CDH13: variants seen among roughly 807,000 people sequenced by gnomAD.
CDH13 encodes the protein cadherin-13.
In CDH13, 24 loss-of-function variants were observed where a neutral mutation model predicts 63.8. That is an observed-to-expected ratio of 0.38 (90% confidence interval 0.27 to 0.53). The LOEUF is 0.53. Among genes scored for constraint, CDH13 ranks in the 20% least tolerant of loss-of-function variants. The pLI is 0.85. For synonymous variants in CDH13, 503 were observed against 355.3 expected (o/e 1.42, Z -4.67); for missense variants, 1,049 against 903.1 (o/e 1.16, Z -2.07).
chr16:82,896,508 C>G (rs543986461), intron 2 of CDH13, among the ~76,000 whole-genome samples: 1 of 151,564 alleles, frequency 6.6e-6, no homozygotes, highest in Non-Finnish European at 1.5e-5. Flanking sequence ...GTTGTTCAGG[C>G]TGGTCTCAAA....
At chr16:82,665,162 C>A (rs1310202237) in intron 1 of CDH13, among the ~76,000 whole-genome samples, 1 of 152,134 alleles carries the variant, frequency 6.6e-6, no homozygotes, top group East Asian at 1.9e-4. Flanking sequence ...TTTCATGAAC[C>A]ATTTAATGCC....
chr16:82,841,127 C>T (rs903153200), intron 1 of CDH13, among the ~76,000 whole-genome samples: 3 of 152,184 alleles, frequency 2.0e-5, no homozygotes, highest in Non-Finnish European at 4.4e-5. Context: ...GGAGGTCAAC[C>T]TTACCATCCA....
chr16:83,264,597 T>A (rs1907384081), intron 5 of CDH13, among the ~76,000 whole-genome samples: 1 of 151,820 alleles, frequency 6.6e-6, no homozygotes, highest in Admixed American at 6.6e-5. Flanking sequence ...TATATGCCCT[T>A]TAAGACTAAT....
intron 1 of CDH13, among the ~76,000 whole-genome samples, chr16:82,856,331 T>G (rs286684): frequency 7.0e-6 from 1 of 142,394 alleles, no homozygotes; most frequent in South Asian, 2.2e-4. Context: ...GCAGAGATCA[T>G]GCCACTGCAC....
chr16:83,608,232 C>T (rs151128876), intron 8 of CDH13, among the ~76,000 whole-genome samples: 220 of 152,210 alleles, frequency 1.4e-3, no homozygotes, highest in Non-Finnish European at 2.7e-3. Context: ...ATAATAAAAA[C>T]GACATAAAAC....
intron 10 of CDH13, among the ~76,000 whole-genome samples, chr16:83,715,922 C>G (rs567765255): frequency 9.8e-5 from 15 of 152,294 alleles, no homozygotes; most frequent in Non-Finnish European, 1.6e-4. Context: ...CTACCCTCCC[C>G]TTTTGCAGTA....
intron 6 of CDH13, among the ~76,000 whole-genome samples, chr16:83,370,896 CTG>C (rs1401361173): frequency 8.5e-5 from 13 of 152,242 alleles, no homozygotes; most frequent in African/African-American, 2.9e-4. Flanking sequence ...GGTTGAATCC[CTG>C]TCTTTACTAC....
intron 6 of CDH13, among the ~76,000 whole-genome samples, chr16:83,386,926 A>T (rs1678625030): frequency 6.6e-6 from 1 of 152,186 alleles, no homozygotes; most frequent in African/African-American, 2.4e-5. Context: ...TTTCCATTGC[A>T]TCTAGAAAGC....
intron 8 of CDH13, among the ~76,000 whole-genome samples, chr16:83,645,329 A>C (rs1022413633): frequency 3.9e-5 from 6 of 152,188 alleles, no homozygotes; most frequent in Admixed American, 2.0e-4. Flanking sequence ...CTCACTTGTA[A>C]GTGAAGGGTA....
At chr16:83,215,892 G>A (rs1179864440) in intron 4 of CDH13, among the ~76,000 whole-genome samples, 1 of 152,090 alleles carries the variant, frequency 6.6e-6, no homozygotes, top group Non-Finnish European at 1.5e-5. Context: ...TGATGATAAA[G>A]TGACATAAAT....
At chr16:83,724,826 G>A (rs1272915864) in intron 10 of CDH13, among the ~76,000 whole-genome samples, 3 of 152,166 alleles carry the variant, frequency 2.0e-5, no homozygotes, top group African/African-American at 7.2e-5. Context: ...ATTGTAACCT[G>A]CAGCCAGGAG....
intron 10 of CDH13, among the ~76,000 whole-genome samples, chr16:83,744,158 C>T (rs1912340748): frequency 1.3e-5 from 2 of 152,072 alleles, no homozygotes; most frequent in Admixed American, 1.3e-4. Context: ...GTCTATTGAC[C>T]AACTTTTACC....
intron 7 of CDH13, among the ~76,000 whole-genome samples, chr16:83,587,340 C>T (rs1436276273): frequency 6.6e-6 from 1 of 152,092 alleles, no homozygotes; most frequent in Admixed American, 6.5e-5. Flanking sequence ...TGATATTAGG[C>T]AAAGGTTGTA....
chr16:83,456,630 T>C (rs1394305208), intron 6 of CDH13, among the ~76,000 whole-genome samples: 1 of 152,066 alleles, frequency 6.6e-6, no homozygotes, highest in African/African-American at 2.4e-5. Flanking sequence ...CGGGGCAGGC[T>C]ATGTTTAGGA....
intron 7 of CDH13, among the ~76,000 whole-genome samples, chr16:83,583,205 TAGGGCA>T (rs1267971294): frequency 1.2e-4 from 19 of 152,190 alleles, no homozygotes; most frequent in Non-Finnish European, 1.0e-4. Flanking sequence ...CTTGTAGATT[TAGGGCA>T]CACCCAGCTA....
At chr16:83,159,803 G>A (rs137959144) in intron 4 of CDH13, among the ~76,000 whole-genome samples, 7 of 152,132 alleles carry the variant, frequency 4.6e-5, no homozygotes, top group African/African-American at 9.7e-5. Flanking sequence ...ACCTGGGCAC[G>A]GTGGGTCATG....
intron 1 of CDH13, among the ~76,000 whole-genome samples, chr16:82,732,890 G>T (rs1450111947): frequency 6.6e-6 from 1 of 152,138 alleles, no homozygotes; most frequent in African/African-American, 2.4e-5. Context: ...AGTCTGATGG[G>T]GAAACTAGAG....
rs571993731 is a variant in CDH13 at position 83,117,027 on chromosome 16, A to T, written c.367-8358A>T. Among the ~76,000 whole-genome samples, 42 of 152,344 alleles carry T rather than the reference A, an allele frequency of 2.8e-4. 1 individual carries two copies. The highest frequency in any genetic ancestry group is 1.0e-3 in the South Asian group (5 of 4,828). ...GACGATGAGCGCTGAGCTACAGTGAATGTAGCTTGTTATCTTACGACAGAC... is the reference window on the plus strand; with the variant it reads ...GACGATGAGCGCTGAGCTACAGTGATTGTAGCTTGTTATCTTACGACAGAC... On this transcript the variant is annotated intron_variant, in intron 3 of 13. Coordinates refer to ENST00000567109, the MANE Select transcript of CDH13 (RefSeq NM_001257.5).
chr16:83,321,730 G>A (rs545028432), intron 5 of CDH13, among the ~76,000 whole-genome samples: 130 of 152,008 alleles, frequency 8.6e-4, no homozygotes, highest in African/African-American at 3.1e-3. Flanking sequence ...GGGTTTCATC[G>A]TGTTAGCCAG....
Sources: allele counts gnomAD v4.1 joint callset (sites outside exome capture counted in the v4.1 genomes callset), GRCh38; gene constraint gnomAD v4.1.1; transcripts MANE v1.5; gene names NCBI Gene and HGNC (gene_info 2026-07-23, HGNC 2026-07-21).